SRGAP2B: variants seen among roughly 807,000 people sequenced by gnomAD.
SRGAP2B encodes the protein SLIT-ROBO Rho GTPase-activating protein 2B.
A neutral mutation model predicts 22.2 loss-of-function variants in SRGAP2B; 9 were observed. That is an observed-to-expected ratio of 0.41 (90% CI 0.24 to 0.71). The LOEUF (loss-of-function observed/expected upper bound fraction) is 0.71. SRGAP2B is among the 30% of genes least tolerant of loss of function. The pLI is 0.35. For missense variants in SRGAP2B, 114 were observed against 235.8 expected (o/e 0.48, Z 3.38); for synonymous variants, 36 against 87.4 (o/e 0.41, Z 3.28).
intron 5 of SRGAP2B, among the ~76,000 whole-genome samples, chr1:144,914,332 T>A (rs1424529626): frequency 1.3e-5 from 2 of 150,478 alleles, no homozygotes; most frequent in African/African-American, 2.5e-5. Context: ...CAGGCACATA[T>A]TAATAGTGCA....
chr1:145,084,464 A>G, intron 2 of SRGAP2B, among the ~76,000 whole-genome samples: 1 of 144,308 alleles, frequency 6.9e-6, no homozygotes, highest in Non-Finnish European at 1.5e-5. Context: ...CAGACCCTGG[A>G]GAAATAACTG....
intron 5 of SRGAP2B, among the ~76,000 whole-genome samples, chr1:144,907,841 C>A (rs1385455161): frequency 4.0e-5 from 6 of 149,882 alleles, no homozygotes; most frequent in Admixed American, 4.0e-4. Flanking sequence ...ATAAAGAATA[C>A]TGGGACACTG....
chr1:144,915,638 A>C (rs1378520498), intron 4 of SRGAP2B, among the ~76,000 whole-genome samples: 1 of 151,160 alleles, frequency 6.6e-6, no homozygotes, highest in Non-Finnish European at 1.5e-5. Context: ...AGGCAGGAGA[A>C]TTGCTTGAAC....
exon 3 of SRGAP2B, chr1:144,995,045 G>A: frequency 1.9e-6 from 3 of 1,544,468 alleles, no homozygotes; most frequent in Non-Finnish European, 2.6e-6. Context: ...GTCTTGGCCA[G>A]GAAGCGTTCT....
At chr1:145,012,107 C>G (rs1448797445) in intron 2 of SRGAP2B, among the ~76,000 whole-genome samples, 4 of 149,512 alleles carry the variant, frequency 2.7e-5, no homozygotes, top group Non-Finnish European at 5.9e-5. Flanking sequence ...TGCCCCGACA[C>G]TCTCTATGCT....
chr1:144,976,123 G>A (rs1313809977), intron 3 of SRGAP2B, among the ~76,000 whole-genome samples: 2 of 147,638 alleles, frequency 1.4e-5, no homozygotes, highest in Non-Finnish European at 2.9e-5. Flanking sequence ...CTCATGATCG[G>A]CCCGCCTCGG....
At chr1:145,051,586 AT>A (rs1650197106) in intron 2 of SRGAP2B, among the ~76,000 whole-genome samples, 1 of 100,120 alleles carries the variant, frequency 1.0e-5, no homozygotes, top group Non-Finnish European at 1.9e-5. Context: ...TCTCACATAT[AT>A]AATTACTATA....
intron 2 of SRGAP2B, among the ~76,000 whole-genome samples, chr1:145,009,211 T>C (rs1438665233): frequency 4.8e-5 from 7 of 146,746 alleles, no homozygotes; most frequent in Non-Finnish European, 4.5e-5. Context: ...ATCTCTTAAA[T>C]ATTGAAATAT....
intron 2 of SRGAP2B, among the ~76,000 whole-genome samples, chr1:145,070,094 T>C (rs1424245935): frequency 6.7e-6 from 1 of 150,334 alleles, no homozygotes; most frequent in Non-Finnish European, 1.5e-5. Flanking sequence ...AGCATGCATA[T>C]GTCATTCCTT....
At chr1:144,916,041 C>T (rs1405045589) in intron 4 of SRGAP2B, among the ~76,000 whole-genome samples, 2 of 148,266 alleles carry the variant, frequency 1.3e-5, no homozygotes, top group Non-Finnish European at 3.0e-5. Context: ...TAAGATCTTG[C>T]TTTTTTTCAA....
chr1:144,986,392 T>C (rs1240238666), intron 3 of SRGAP2B, among the ~76,000 whole-genome samples: 1 of 145,644 alleles, frequency 6.9e-6, no homozygotes, highest in Non-Finnish European at 1.5e-5. Context: ...TGAGATGTTC[T>C]GGGCAGAGAA....
At position 144,906,087 on chromosome 1, in the gene SRGAP2B, G is replaced by T. The variant is rs1216732898; in HGVS notation, c.487-13C>A. 12 of 707,938 alleles carry T rather than the reference G, an allele frequency of 1.7e-5. 2 individuals carry two copies. Among genetic ancestry groups the T allele is most frequent in the Non-Finnish European group, 2.6e-5 (10 of 383,712 alleles). 43.9% of individuals were successfully genotyped at this position (707,938 alleles called of 1,614,324 possible). The stretch of plus-strand genomic sequence containing the variant: ...ATGTCTTCATGACCTGCAAGACATC[G>T]CCCACCCCCACCCCCAGAGGTCAAG... On this transcript the variant is annotated splice_polypyrimidine_tract_variant and intron_variant, in intron 5 of 9. Coordinates refer to ENST00000612199, the Ensembl canonical transcript of SRGAP2B.
At chr1:145,058,202 G>A (rs1464754182) in intron 2 of SRGAP2B, among the ~76,000 whole-genome samples, 2 of 149,030 alleles carry the variant, frequency 1.3e-5, no homozygotes, top group East Asian at 3.9e-4. Context: ...TCTGAAAAGA[G>A]GACAATAATA....
At chr1:144,905,451 T>C (rs1366009496) in intron 6 of SRGAP2B, among the ~76,000 whole-genome samples, 6 of 150,094 alleles carry the variant, frequency 4.0e-5, no homozygotes, top group African/African-American at 1.3e-4. Context: ...ACTTTGATTC[T>C]ATCTTCAAAT....
chr1:145,047,065 A>T (rs1649868124), intron 2 of SRGAP2B, among the ~76,000 whole-genome samples: 1 of 144,206 alleles, frequency 6.9e-6, no homozygotes, highest in South Asian at 2.3e-4. Flanking sequence ...AGTCCCAGCT[A>T]CTTAGGAGGC....
chr1:144,915,745 G>A (rs1258089813), intron 4 of SRGAP2B, among the ~76,000 whole-genome samples: 1 of 150,628 alleles, frequency 6.6e-6, no homozygotes, highest in East Asian at 1.9e-4. Context: ...GAAAAGAAAA[G>A]GAAAGGAAAG....
At chr1:144,950,489 C>A (rs1666773841) in intron 4 of SRGAP2B, among the ~76,000 whole-genome samples, 1 of 124,146 alleles carries the variant, frequency 8.1e-6, no homozygotes, top group Non-Finnish European at 1.6e-5. Flanking sequence ...TTTAATGAGT[C>A]CTTGTTTCCC....
rs1666551912 is a variant in SRGAP2B at position 144,947,499 on chromosome 1, A to G, written c.423+7940T>C. 1.3e-5 allele frequency among the ~76,000 whole-genome samples: 2 copies of G among 150,266 alleles called. 1 individual carries two copies. The highest frequency in any genetic ancestry group is 5.0e-5 in the African/African-American group (2 of 39,932). On this transcript the variant is annotated intron_variant, in intron 4 of 9. Transcript: ENST00000612199. ...GCAATTCTCTTGTGACTGATTCACT[A>G]ATGGCAAAAGGACACGTTTAACATC...
chr1:145,038,766 TGA>T (rs1480012063), intron 2 of SRGAP2B, among the ~76,000 whole-genome samples: 86 of 133,248 alleles, frequency 6.5e-4, no homozygotes, highest in Admixed American at 9.8e-4. Flanking sequence ...GAAAAAAATA[TGA>T]GGGGGGTGGA....
Sources: allele counts gnomAD v4.1 joint callset (sites outside exome capture counted in the v4.1 genomes callset), GRCh38; gene constraint gnomAD v4.1.1; transcripts MANE v1.5; gene names NCBI Gene and HGNC (gene_info 2026-07-23, HGNC 2026-07-21).